The following GLT1D1 variants were observed in gnomAD, a reference collection of about 807,000 sequenced individuals.
The protein encoded by GLT1D1 is glycosyltransferase 1 domain-containing protein 1.
In GLT1D1, 21 loss-of-function variants were observed where a neutral mutation model predicts 28.7. The observed-to-expected ratio is 0.73, with a 90% CI of 0.52 to 1.05. GLT1D1 has a LOEUF of 1.05. GLT1D1 is among the 50% of genes least tolerant of loss of function. The pLI is 0.00. For synonymous variants in GLT1D1, 147 were observed against 124.8 expected (o/e 1.18, Z -1.19); for missense variants, 343 against 330.6 (o/e 1.04, Z -0.29).
intron 5 of GLT1D1, 54 bp downstream of exon 9, chr12:128,945,423 C>T: frequency 7.3e-7 from 1 of 1,368,594 alleles, no homozygotes. Flanking sequence ...TGAGTGGCCC[C>T]TGGGTTACCT....
chr12:128,888,496 G>A (rs1052672911), intron 2 of GLT1D1, 143 bp from the exon 3 acceptor site: 1 of 613,888 alleles, frequency 1.6e-6, no homozygotes, highest in South Asian at 2.0e-5. Context: ...TGCTATCCAG[G>A]AGAGGTGGAT....
chr12:128,962,205 C>G (rs1021369016), intron 7 of GLT1D1, among the ~76,000 whole-genome samples: 2 of 152,214 alleles, frequency 1.3e-5, no homozygotes, highest in African/African-American at 4.8e-5. Flanking sequence ...GGGTTGAACA[C>G]GTCATGCCTT....
chr12:128,875,054 TTGTG>T (rs376956933), intron 1 of GLT1D1, among the ~76,000 whole-genome samples: 129 of 143,866 alleles, frequency 9.0e-4, no homozygotes, highest in South Asian at 4.1e-3. Context: ...GACATAAATA[TTGTG>T]TGTGTGTGTG....
chr12:128,931,294 C>A (rs934673187), intron 4 of GLT1D1, among the ~76,000 whole-genome samples: 1 of 150,306 alleles, frequency 6.7e-6, no homozygotes, highest in African/African-American at 2.5e-5. Context: ...AGCCACTGCA[C>A]CTGGCCACTT....
intron 4 of GLT1D1, among the ~76,000 whole-genome samples, chr12:128,907,308 T>C (rs1435483624): frequency 1.4e-5 from 1 of 70,284 alleles, no homozygotes; most frequent in African/African-American, 4.0e-5. Flanking sequence ...CTAATCTTTT[T>C]TTTTTTTTTT....
chr12:128,858,389 C>G (rs1305992077), intron 1 of GLT1D1, among the ~76,000 whole-genome samples: 1 of 152,158 alleles, frequency 6.6e-6, no homozygotes, highest in Non-Finnish European at 1.5e-5. Context: ...TAAAGAATTT[C>G]TGCCGGGCCT....
intron 3 of GLT1D1, 95 bp from the exon 4 acceptor site, chr12:128,899,141 C>A: frequency 1.2e-6 from 1 of 867,960 alleles, no homozygotes; most frequent in Non-Finnish European, 1.9e-6. Context: ...TAGTGTCTCA[C>A]GTTGTCTCTC....
At chr12:128,859,075 A>G (rs902208881) in intron 1 of GLT1D1, among the ~76,000 whole-genome samples, 1 of 152,168 alleles carries the variant, frequency 6.6e-6, no homozygotes, top group Non-Finnish European at 1.5e-5. Flanking sequence ...TGTAAAACCA[A>G]GCTGTACCTC....
intron 4 of GLT1D1, among the ~76,000 whole-genome samples, chr12:128,902,505 GA>G (rs1220299687): frequency 2.7e-5 from 4 of 148,010 alleles, no homozygotes; most frequent in Non-Finnish European, 4.5e-5. Flanking sequence ...AAAAAAGAAA[GA>G]AAAAAAGAAA....
At chr12:128,860,688 C>A (rs57162877) in intron 1 of GLT1D1, among the ~76,000 whole-genome samples, 1 of 152,016 alleles carries the variant, frequency 6.6e-6, no homozygotes, top group African/African-American at 2.4e-5. Flanking sequence ...GGGCAGGGTG[C>A]TTGGAGAACA....
At chr12:128,925,340 G>A (rs1362503802) in intron 4 of GLT1D1, among the ~76,000 whole-genome samples, 3 of 152,090 alleles carry the variant, frequency 2.0e-5, no homozygotes, top group Admixed American at 6.6e-5. Flanking sequence ...TGCCTCCTGC[G>A]ACCCCAACCC....
In GLT1D1 at chr12:128,884,917, ATT is replaced by A. The variant is rs35860101; in HGVS notation, c.218-3704_218-3703del. 5.8e-3 allele frequency among the ~76,000 whole-genome samples: 796 copies of A among 136,146 alleles called. 6 individuals carry two copies. Among genetic ancestry groups the A allele is most frequent in the African/African-American group, 0.02 (733 of 37,234 alleles). 89.3% of individuals were successfully genotyped at this position (136,146 alleles called of 152,430 possible). On this transcript the variant is annotated intron_variant, in intron 2 of 7. Transcript: ENST00000281703. ...GGTAATACATATATTAATTAGCTTG[ATT>A]TTTTTTTTTTTTTTTTTAAGAAATG... is the stretch of plus-strand genomic sequence containing the variant.
chr12:128,888,833 C>A, intron 3 of GLT1D1, 89 bp downstream of exon 3: 1 of 839,162 alleles, frequency 1.2e-6, no homozygotes. Flanking sequence ...CACCAATTGC[C>A]GGGAAGGTTT....
chr12:128,918,412 A>G (rs1012994), intron 4 of GLT1D1, among the ~76,000 whole-genome samples: 49,197 of 152,090 alleles, frequency 0.32, 8,230 homozygotes, highest in Non-Finnish European at 0.37. Context: ...GCAAACCACC[A>G]TGGCACACGT....
intron 1 of GLT1D1, among the ~76,000 whole-genome samples, chr12:128,854,099 C>T (rs1014607911): frequency 1.3e-5 from 2 of 152,182 alleles, no homozygotes; most frequent in African/African-American, 4.8e-5. Context: ...CGTCCGGGGT[C>T]CTGTCCCCGA....
At chr12:128,877,796 G>T (rs1484794923) in intron 2 of GLT1D1, among the ~76,000 whole-genome samples, 1 of 152,188 alleles carries the variant, frequency 6.6e-6, no homozygotes, top group African/African-American at 2.4e-5. Context: ...TTATCTAATG[G>T]TTCCTGTGGG....
rs61169176 is a variant in GLT1D1 at position 128,973,179 on chromosome 12, G to GTTTTTTTTTTTTTTTTTTTTTTTTTTT, written c.640-9749_640-9723dup. On this transcript the variant is annotated intron_variant, in intron 7 of 7. Coordinates refer to ENST00000281703, the MANE Select transcript of GLT1D1 (RefSeq NM_144669.3). The stretch of plus-strand genomic sequence containing the variant: ...CTTTTCTGTTTTGTTTGTTTGCTTG[G>GTTTTTTTTTTTTTTTTTTTTTTTTTTT]TTTTTTTTTTTTTTTTTTTTTTTTT... 8.8e-4 allele frequency among the ~76,000 whole-genome samples: 45 copies of GTTTTTTTTTTTTTTTTTTTTTTTTTTT among 50,988 alleles called. 5 individuals are homozygous for GTTTTTTTTTTTTTTTTTTTTTTTTTTT. The highest frequency in any genetic ancestry group is 1.6e-3 in the Non-Finnish European group (40 of 24,892). The allele number at this position is 50,988 out of a possible 152,430, so 33.5% of individuals were successfully genotyped here.
intron 4 of GLT1D1, among the ~76,000 whole-genome samples, chr12:128,929,038 G>C (rs1358184339): frequency 3.3e-5 from 5 of 152,154 alleles, no homozygotes; most frequent in Admixed American, 6.5e-5. Flanking sequence ...GGGGCCTTTG[G>C]GGGTGATTCA....
intron 7 of GLT1D1, among the ~76,000 whole-genome samples, chr12:128,958,620 C>T (rs1470965597): frequency 7.1e-6 from 1 of 141,552 alleles, no homozygotes; most frequent in Non-Finnish European, 1.5e-5. Flanking sequence ...GGGAATGGTG[C>T]ATGCCTGTAA....
Sources: gnomAD v4.1 joint callset for allele counts (sites outside exome capture counted in the v4.1 genomes callset) on GRCh38, gnomAD v4.1.1 for gene constraint, MANE v1.5 for transcripts, NCBI Gene and HGNC (gene_info 2026-07-23, HGNC 2026-07-21) for gene names.